The following LMOD2 variants were observed in gnomAD, a reference collection of about 807,000 sequenced individuals.
LMOD2 encodes leiomodin-2.
In LMOD2, 27 loss-of-function variants were observed where a neutral mutation model predicts 41.7. The ratio of observed to expected loss-of-function variants is 0.65; its 90% CI spans 0.48 to 0.89. LMOD2 has a LOEUF of 0.89. Among genes scored for constraint, LMOD2 ranks in the 40% least tolerant of loss-of-function variants. The pLI is 0.00. For synonymous variants in LMOD2, 251 were observed against 244.6 expected (o/e 1.03, Z -0.25); for missense variants, 624 against 667.9 (o/e 0.93, Z 0.72).
rs181591069 is a variant in LMOD2 at position 123,656,105 on chromosome 7, G to A, written c.142G>A (p.Val48Met). 143 of 1,611,266 alleles carry A rather than the reference G, an allele frequency of 8.9e-5. 2 individuals carry two copies. The East Asian group carries it at 2.7e-3, about 31-fold the overall frequency. Reference sequence around the variant, plus strand: ...CATTGAACCTGACCGCAACCTTCCCGTGGGGCTAAGGCAAAAGAGCCTGAC... The same window carrying A: ...CATTGAACCTGACCGCAACCTTCCCATGGGGCTAAGGCAAAAGAGCCTGAC... ...EDIEPDRNLP[V>M]GLRQKSLTEK... Residue 48 changes from valine to methionine, a missense_variant, in exon 1 of 3, where the codon GTG (valine) becomes ATG (methionine). Physicochemically the swap from Val to Met is conservative, Grantham distance 21 (BLOSUM62 1). Coordinates refer to ENST00000458573, the MANE Select transcript of LMOD2 (RefSeq NM_207163.3).
Position 123,661,913 on chromosome 7 carries a change from CAG to C in LMOD2, c.328_329del (p.Ser110Ter), listed in dbSNP as rs1393741332. On this transcript the variant is annotated frameshift_variant, in exon 2 of 3. Transcript: ENST00000458573. LOFTEE classifies it high-confidence loss of function. ...AAGAGCTTATCTTTACTGAAAGTAA[CAG>C]TGAGGTTTCTGAGGAAGTGTATACA... is the stretch of plus-strand genomic sequence containing the variant. ...EEELIFTESN[S>X]EVSEEVYTEE... The C allele has an allele frequency of 6.5e-7, 1 of 1,549,458 alleles. No homozygotes were observed. The highest frequency in any genetic ancestry group is 8.7e-7 in the Non-Finnish European group (1 of 1,146,298).
chr7:123,657,678 T>C (rs1447838751), intron 1 of LMOD2, among the ~76,000 whole-genome samples: 2 of 151,970 alleles, frequency 1.3e-5, no homozygotes, highest in African/African-American at 4.8e-5. Flanking sequence ...CTCTCTTTAA[T>C]AAAATAAAAC....
At chr7:123,660,245 T>C (rs1802851652) in intron 1 of LMOD2, among the ~76,000 whole-genome samples, 1 of 151,960 alleles carries the variant, frequency 6.6e-6, no homozygotes, top group Non-Finnish European at 1.5e-5. Context: ...TGTTGTTGCA[T>C]TGTGACTTGC....
At chr7:123,659,656 G>C (rs1294449176) in intron 1 of LMOD2, among the ~76,000 whole-genome samples, 3 of 152,200 alleles carry the variant, frequency 2.0e-5, no homozygotes, top group Non-Finnish European at 4.4e-5. Context: ...TAAGCACTGT[G>C]CTAGGTGAGC....
chr7:123,658,078 T>C (rs1183397494), intron 1 of LMOD2, among the ~76,000 whole-genome samples: 1 of 151,914 alleles, frequency 6.6e-6, no homozygotes, highest in Non-Finnish European at 1.5e-5. Flanking sequence ...CAAAGGCTTT[T>C]TAATGTCACA....
Position 123,662,201 on chromosome 7 carries a change from G to C in LMOD2, c.615G>C (p.Lys205Asn). ...NPTVIEDALDKIKSNDPDTTE... is the reference protein window; with the variant it reads ...NPTVIEDALDNIKSNDPDTTE... ...CAGTGATTGAGGACGCTTTGGACAAGATTAAAAGCAATGACCCTGACACCA... is the reference window on the plus strand; with the variant it reads ...CAGTGATTGAGGACGCTTTGGACAACATTAAAAGCAATGACCCTGACACCA... The change falls in exon 2 of 3, where the codon AAG (lysine) becomes AAC (asparagine). Residue 205 changes from lysine to asparagine, a missense_variant. Coordinates refer to ENST00000458573, the MANE Select transcript of LMOD2 (RefSeq NM_207163.3). This position sits in a 1 kb window ranked among gnomAD's most constrained non-coding sequence, Gnocchi z 4.0. 6.2e-7 allele frequency: 1 copy of C among 1,613,958 alleles called. No homozygotes were observed. The highest frequency in any genetic ancestry group is 8.5e-7 in the Non-Finnish European group (1 of 1,179,880).
intron 1 of LMOD2, 69 bp downstream of exon 1, chr7:123,656,305 GTT>G: frequency 6.8e-7 from 1 of 1,466,134 alleles, no homozygotes; most frequent in Non-Finnish European, 9.1e-7. Flanking sequence ...CCAGACACTT[GTT>G]TTCCCTAACT....
intron 2 of LMOD2, 58 bp downstream of exon 2, chr7:123,663,261 T>C: frequency 6.6e-7 from 1 of 1,508,656 alleles, no homozygotes; most frequent in Admixed American, 2.3e-5. Flanking sequence ...TTGTCCTCCA[T>C]TGCATGGTGG....
In LMOD2 at chr7:123,656,166, C is replaced by A. The variant is rs376309591; in HGVS notation, c.203C>A (p.Ala68Glu). 82 of 1,609,742 alleles carry A rather than the reference C, an allele frequency of 5.1e-5. No homozygotes were observed. The highest frequency in any genetic ancestry group is 5.8e-5 in the Non-Finnish European group (68 of 1,178,164). ...CCCACAGGGACATTCAGCAGAGAGG[C>A]ACTGATGGCCTATTGGGAAAAGGAG... is the stretch of plus-strand genomic sequence containing the variant. Reference protein sequence around the residue: ...KTPTGTFSREALMAYWEKESQ... With the variant: ...KTPTGTFSREELMAYWEKESQ... The change falls in exon 1 of 3, where the codon GCA becomes GAA. Residue 68 changes from alanine to glutamate, a missense_variant. Coordinates refer to ENST00000458573, the MANE Select transcript of LMOD2 (RefSeq NM_207163.3).
At chr7:123,663,465 C>G (rs1243298217) in intron 2 of LMOD2, 5 of 602,990 alleles carry the variant, frequency 8.3e-6, no homozygotes, top group African/African-American at 1.9e-5. Flanking sequence ...GTCCCAATTC[C>G]CTTAAGAAGA....
In LMOD2 at chr7:123,662,057, T is replaced by C. The variant is rs756962607; in HGVS notation, c.471T>C (p.Asn157=). 3.1e-6 allele frequency: 5 copies of C among 1,598,988 alleles called. No homozygotes were observed. In the Admixed American group the frequency reaches 8.7e-5, roughly 28 times the overall value. ...GAACTGTAAATTATGATAGTGTCAA[T>C]TCTGACAACTCTAAGCCAAAGATAT... ...INGTVNYDSV[N]SDNSKPKIFK... The change falls in exon 2 of 3, where the codon AAT becomes AAC. Residue 157 remains asparagine (N), a synonymous_variant. Transcript: ENST00000458573. The surrounding 1 kb of genome is among the most constrained non-coding windows in gnomAD (Gnocchi z 4.0).
chr7:123,663,692 T>C (rs1472337499), intron 2 of LMOD2, 27 bp from the exon 3 acceptor site: 2 of 1,566,276 alleles, frequency 1.3e-6, no homozygotes, highest in Admixed American at 1.9e-5. Flanking sequence ...TGTTGTTTCA[T>C]TGAGAGAAAA....
At chr7:123,663,452 C>T in intron 2 of LMOD2, 6 of 603,992 alleles carry the variant, frequency 9.9e-6, no homozygotes, top group Non-Finnish European at 1.7e-5. Flanking sequence ...CATTTTCATA[C>T]ACGTCCCAAT....
Position 123,663,765 on chromosome 7 carries a change from G to C in LMOD2, c.*20G>C. ...CGATAAAAACATGATCTTTAGAAGA[G>C]GATGCAGAACTGTTCAGTGGTATTA... On this transcript the variant is annotated 3_prime_UTR_variant, in exon 3 of 3. Coordinates refer to ENST00000458573, the MANE Select transcript of LMOD2 (RefSeq NM_207163.3). 1.9e-6 allele frequency: 3 copies of C among 1,568,458 alleles called. No individual in the cohort carries two copies. The highest frequency in any genetic ancestry group is 2.6e-6 in the Non-Finnish European group (3 of 1,154,234).
In LMOD2 at chr7:123,661,871, C is replaced by T; in HGVS notation, c.285C>T (p.Asp95=). 1 of 1,519,342 alleles carries T rather than the reference C, an allele frequency of 6.6e-7. No homozygotes were observed. Among genetic ancestry groups the T allele is most frequent in the Non-Finnish European group, 8.8e-7 (1 of 1,132,934 alleles). The allele number at this position is 1,519,342 out of a possible 1,614,324, so 94.1% of individuals were successfully genotyped here. A position where few individuals can be genotyped will look rare whatever the true frequency, so the allele number is the denominator to read the frequency against. Residue 95 remains aspartate, a synonymous_variant, in exon 2 of 3, where the codon GAC becomes GAT. Transcript: ENST00000458573. ...RLGECGKVAE[D]KEESEEELIF... The stretch of plus-strand genomic sequence containing the variant: ...ATCATACTCTTTAGGTTGCAGAAGA[C>T]AAAGAGGAAAGTGAAGAAGAGCTTA...
intron 1 of LMOD2, among the ~76,000 whole-genome samples, chr7:123,661,186 T>C (rs1242227075): frequency 2.0e-5 from 3 of 152,206 alleles, no homozygotes; most frequent in Non-Finnish European, 4.4e-5. Flanking sequence ...CAGAGGCAGC[T>C]CTCAGGTGAT....
intron 1 of LMOD2, 53 bp from the exon 2 acceptor site, chr7:123,661,807 C>A: frequency 3.2e-6 from 4 of 1,236,428 alleles, no homozygotes; most frequent in Non-Finnish European, 4.4e-6. Context: ...AAAAAATGTA[C>A]TTAAAAATGG....
intron 1 of LMOD2, among the ~76,000 whole-genome samples, chr7:123,660,342 C>CACAG (rs1802857441): frequency 1.3e-5 from 2 of 151,376 alleles, no homozygotes; most frequent in African/African-American, 4.9e-5. Flanking sequence ...CACACACACA[C>CACAG]AGAGACACAC....
intron 1 of LMOD2, among the ~76,000 whole-genome samples, chr7:123,660,261 G>A (rs1204585710): frequency 6.6e-6 from 1 of 151,600 alleles, no homozygotes; most frequent in African/African-American, 2.4e-5. Flanking sequence ...CTTGCAGCCA[G>A]CTGCCACCAA....
Sources: gnomAD v4.1 joint callset for allele counts (sites outside exome capture counted in the v4.1 genomes callset) on GRCh38, gnomAD v4.1.1 for gene constraint, Gnocchi (gnomAD v3.1) non-coding constraint, MANE v1.5 for transcripts, NCBI Gene and HGNC (gene_info 2026-07-23, HGNC 2026-07-21) for gene names.